The following TMEM63B variants were observed in gnomAD, a reference collection of about 807,000 sequenced individuals.
TMEM63B encodes the protein transmembrane protein 63B, also known as mechanosensitive cation channel TMEM63B.
TMEM63B carries 23 observed loss-of-function variants against 102.6 expected under a neutral mutation model. The ratio of observed to expected loss-of-function variants is 0.22; its 90% CI spans 0.16 to 0.32. The LOEUF (loss-of-function observed/expected upper bound fraction) is 0.32, where lower values mean the gene tolerates loss of function less well. TMEM63B is among the 10% of genes least tolerant of loss of function. The probability of loss-of-function intolerance (pLI) is 1.00; values close to 1 mark genes in which losing one functional copy is unlikely to be tolerated. For missense variants in TMEM63B, 628 were observed against 1,095.9 expected, an observed-to-expected ratio of 0.57 and a Z score of 6.03; for synonymous variants, 444 against 437.0, an observed-to-expected ratio of 1.02 and a Z score of -0.20.
chr6:44,147,642 C>T (rs1316725807), intron 12 of TMEM63B, 142 bp downstream of exon 12: 39 of 1,203,590 alleles, frequency 3.2e-5, no homozygotes, highest in Non-Finnish European at 4.2e-5. Flanking sequence ...TGTCTAATGT[C>T]CCTACAGTGA....
intron 10 of TMEM63B, among the ~76,000 whole-genome samples, chr6:44,146,602 C>T (rs1016363917): frequency 6.6e-6 from 1 of 151,996 alleles, no homozygotes; most frequent in South Asian, 2.1e-4. Flanking sequence ...AGGCACGTGC[C>T]ACCATGCCCA....
Position 44,150,287 on chromosome 6 carries a change from C to T in TMEM63B, c.1584C>T (p.Leu528=), listed in dbSNP as rs1326062215. The change falls in exon 17 of 24, where the codon CTC becomes CTT. Residue 528 remains leucine (L), a synonymous_variant. Transcript: ENST00000323267. This position sits in a 1 kb window ranked among gnomAD's most constrained non-coding sequence, Gnocchi z 4.7. ...CYTFLIFMVL[L]LPSLGLSSLD... ...CTTTCCTCATCTTCATGGTGCTGCTCCTACCCTCGCTGGGACTGAGCAGGT... is the reference window on the plus strand; with the variant it reads ...CTTTCCTCATCTTCATGGTGCTGCTTCTACCCTCGCTGGGACTGAGCAGGT... 2.5e-6 allele frequency: 4 copies of T among 1,614,012 alleles called. No homozygotes were observed.
chr6:44,141,979 A>G, intron 10 of TMEM63B, among the ~76,000 whole-genome samples: 1 of 151,846 alleles, frequency 6.6e-6, no homozygotes, highest in South Asian at 2.1e-4. Context: ...AAACTTAGCC[A>G]GGTGTGGTGG....
intron 15 of TMEM63B, among the ~76,000 whole-genome samples, chr6:44,149,568 C>G (rs531745146): frequency 4.0e-4 from 61 of 152,176 alleles, no homozygotes; most frequent in Non-Finnish European, 7.5e-4. Context: ...ACTCATCTGT[C>G]AAATGGGGTA....
At chr6:44,128,324 A>G (rs954502192) in intron 1 of TMEM63B, among the ~76,000 whole-genome samples, 25 of 151,860 alleles carry the variant, frequency 1.6e-4, no homozygotes, top group African/African-American at 6.0e-4. Flanking sequence ...CGCCCCACAC[A>G]GTGCAGTTCA....
rs1766344065 is a variant in TMEM63B at position 44,150,376 on chromosome 6, T to A, written c.1607+66T>A. 6.5e-7 allele frequency: 1 copy of A among 1,542,242 alleles called. No individual in the cohort carries two copies. The highest frequency in any genetic ancestry group is 9.0e-7 in the Non-Finnish European group (1 of 1,115,628). ...CAGCAGGATAGGGAGAGGAGAGCAG[T>A]TCAGCCTCCCTACCTCCCCTACAAA... On this transcript the variant is annotated intron_variant, in intron 17 of 23. Transcript: ENST00000323267. This position sits in a 1 kb window ranked among gnomAD's most constrained non-coding sequence, Gnocchi z 4.7.
chr6:44,152,770 A>G lies in TMEM63B; in HGVS notation c.1942+72A>G, dbSNP rs1348345459. On this transcript the variant is annotated intron_variant, in intron 20 of 23. Transcript: ENST00000323267. The surrounding 1 kb of genome is among the most constrained non-coding windows in gnomAD (Gnocchi z 6.4). ...GGACTTCACCCTCTCCACTCTAGGA[A>G]TGCAGGCCACCCCGAGTGGACAGGG... 7.6e-7 allele frequency: 1 copy of G among 1,310,526 alleles called. No individual in the cohort carries two copies. The highest frequency in any genetic ancestry group is 1.1e-6 in the Non-Finnish European group (1 of 925,126). The allele number at this position is 1,310,526 out of a possible 1,614,324, so 81.2% of individuals were successfully genotyped here. A position where few individuals can be genotyped will look rare whatever the true frequency, so the allele number is the denominator to read the frequency against.
intron 10 of TMEM63B, among the ~76,000 whole-genome samples, chr6:44,145,465 AC>A (rs2128248490): frequency 1.3e-5 from 2 of 151,638 alleles, no homozygotes; most frequent in South Asian, 4.2e-4. Flanking sequence ...GGTGGCACAC[AC>A]CTGTAATCCC....
At chr6:44,127,844 C>A (rs970879655) in intron 1 of TMEM63B, 166 bp downstream of exon 1, 3 of 151,930 alleles carry the variant, frequency 2.0e-5, no homozygotes, top group Non-Finnish European at 4.4e-5. Flanking sequence ...CTGCCCCCAA[C>A]CCCGCACCAT....
At position 44,154,182 on chromosome 6, in the gene TMEM63B, C is replaced by T; in HGVS notation, c.2220C>T (p.Asn740=). The T allele has an allele frequency of 1.2e-6, 2 of 1,614,008 alleles. No individual in the cohort carries two copies. Among genetic ancestry groups the T allele is most frequent in the Non-Finnish European group, 1.7e-6 (2 of 1,179,894 alleles). ...FGHFKYLSAH[N]YKIEHTETDT... ...ACTTCAAATACCTCAGTGCCCACAA[C>T]TACAAGGTGTGGGGCAAGGGTGGCA... Residue 740 remains asparagine, a synonymous_variant, in exon 22 of 24, where the codon AAC becomes AAT. Transcript: ENST00000323267.
intron 1 of TMEM63B, among the ~76,000 whole-genome samples, chr6:44,128,305 C>T (rs1016188875): frequency 6.6e-6 from 1 of 152,112 alleles, no homozygotes; most frequent in African/African-American, 2.4e-5. Flanking sequence ...GGAGCGTGTC[C>T]TCTCCTTGCG....
At chr6:44,130,908 C>G (rs1239217667) in intron 1 of TMEM63B, among the ~76,000 whole-genome samples, 1 of 150,776 alleles carries the variant, frequency 6.6e-6, no homozygotes, top group Non-Finnish European at 1.5e-5. Context: ...TGAGCCACCC[C>G]ACCCTGCCTA....
At position 44,154,442 on chromosome 6, in the gene TMEM63B, T is replaced by C; in HGVS notation, c.2304T>C (p.Ser768=). The change falls in exon 23 of 24, where the codon TCT becomes TCC. Residue 768 remains serine, a synonymous_variant. Coordinates refer to ENST00000323267, the MANE Select transcript of TMEM63B (RefSeq NM_018426.3). ...CCACTGCTGCTGCTGTCCCCAAATC[T>C]GCGGTGAGTGCCCTCAAGGGTTGGG... The part of the protein sequence containing the change: ...RPPTAAAVPK[S]AKYIAQVLQD... The C allele has an allele frequency of 6.2e-7, 1 of 1,613,956 alleles. No homozygotes were observed. The highest frequency in any genetic ancestry group is 8.5e-7 in the Non-Finnish European group (1 of 1,179,942).
At chr6:44,138,082 T>C (rs1042742392) in intron 5 of TMEM63B, among the ~76,000 whole-genome samples, 1 of 152,134 alleles carries the variant, frequency 6.6e-6, no homozygotes, top group African/African-American at 2.4e-5. Context: ...ATAGCTGGAA[T>C]TCAGGCAGCA....
At chr6:44,151,300 T>C (rs1478558315) in intron 18 of TMEM63B, among the ~76,000 whole-genome samples, 2 of 152,178 alleles carry the variant, frequency 1.3e-5, no homozygotes, top group Non-Finnish European at 2.9e-5. Flanking sequence ...ACCATGGCTG[T>C]GGGCACAAAC....
intron 1 of TMEM63B, among the ~76,000 whole-genome samples, chr6:44,132,664 A>C (rs551589852): frequency 6.6e-6 from 1 of 151,894 alleles, no homozygotes; most frequent in South Asian, 2.1e-4. Flanking sequence ...CCATGTTCAC[A>C]CCCCCACTTC....
intron 1 of TMEM63B, among the ~76,000 whole-genome samples, chr6:44,129,064 C>T (rs1777793285): frequency 6.6e-6 from 1 of 152,218 alleles, no homozygotes. Flanking sequence ...TGACAAGTTA[C>T]TTAACCTGTC....
chr6:44,140,082 GT>G (rs1262052902), intron 8 of TMEM63B, among the ~76,000 whole-genome samples, 169 bp from the exon 9 acceptor site: 1 of 152,194 alleles, frequency 6.6e-6, no homozygotes, highest in Non-Finnish European at 1.5e-5. Flanking sequence ...GAATTTTGGT[GT>G]CTAGGGGATG....
At chr6:44,142,735 A>T (rs1764554715) in intron 10 of TMEM63B, among the ~76,000 whole-genome samples, 1 of 151,922 alleles carries the variant, frequency 6.6e-6, no homozygotes, top group Admixed American at 6.6e-5. Flanking sequence ...CTACCATCAG[A>T]ATCAGGGTTT....
Sources: allele counts gnomAD v4.1 joint callset (sites outside exome capture counted in the v4.1 genomes callset), GRCh38; gene constraint gnomAD v4.1.1; non-coding constraint Gnocchi (gnomAD v3.1); transcripts MANE v1.5; gene names NCBI Gene and HGNC (gene_info 2026-07-23, HGNC 2026-07-21).